The following CACNA1C variants were observed in gnomAD, a reference collection of about 807,000 sequenced individuals.
CACNA1C encodes the protein calcium voltage-gated channel subunit alpha1 C, also known as voltage-dependent L-type calcium channel subunit alpha-1C.
A neutral mutation model predicts 229.0 loss-of-function variants in CACNA1C; 30 were observed. That is an observed-to-expected ratio of 0.13 (90% CI 0.10 to 0.18). The LOEUF (loss-of-function observed/expected upper bound fraction) is 0.18, where lower values mean the gene tolerates loss of function less well. CACNA1C is among the 10% of genes least tolerant of loss of function. CACNA1C has a pLI of 1.00. For synonymous variants in CACNA1C, 1,114 were observed against 1,132.5 expected, an observed-to-expected ratio of 0.98 and a Z score of 0.33; for missense variants, 1,658 against 2,845.0, an observed-to-expected ratio of 0.58 and a Z score of 9.49.
At chr12:2,600,022 A>G (rs1481823750) in intron 21 of CACNA1C, among the ~76,000 whole-genome samples, 1 of 152,194 alleles carries the variant, frequency 6.6e-6, no homozygotes, top group Non-Finnish European at 1.5e-5. Context: ...CATCTGAGGA[A>G]TGCAGAGTGT....
chr12:2,150,362 T>C (rs2095127528), intron 3 of CACNA1C, among the ~76,000 whole-genome samples: 1 of 152,082 alleles, frequency 6.6e-6, no homozygotes, highest in African/African-American at 2.4e-5. Context: ...TCACCTCCAT[T>C]CCCCAGTCTC....
chr12:2,065,497 C>G (rs1321174771), intron 1 of CACNA1C, among the ~76,000 whole-genome samples: 2 of 137,738 alleles, frequency 1.5e-5, no homozygotes, highest in Non-Finnish European at 3.1e-5. Flanking sequence ...CTTATAGGAT[C>G]TCTGGATTCA....
intron 31 of CACNA1C, 51 bp downstream of exon 31, chr12:2,648,558 C>T: frequency 2.6e-6 from 4 of 1,547,108 alleles, no homozygotes; most frequent in East Asian, 2.2e-5. Context: ...CCCCCTCTAA[C>T]ACCCCCACTC....
Position 2,666,735 on chromosome 12 carries a change from C to T in CACNA1C, c.4576C>T (p.Pro1526Ser). ...GGTGACCCTCCTCCGGCGGATTCAG[C>T]CGCCACTAGGTTTTGGGAAGCTGTG... Reference protein sequence around the residue: ...DVVTLLRRIQPPLGFGKLCPH... With the variant: ...DVVTLLRRIQSPLGFGKLCPH... The change falls in exon 37 of 47, where the codon CCG becomes TCG. Residue 1526 changes from proline to serine, a missense_variant. Pro to Ser is a moderately conservative substitution (Grantham distance 74, BLOSUM62 -1). Transcript: ENST00000399655. The surrounding 1 kb of genome is among the most constrained non-coding windows in gnomAD (Gnocchi z 5.3). 6.2e-7 allele frequency: 1 copy of T among 1,605,594 alleles called. No homozygotes were observed. The highest frequency in any genetic ancestry group is 8.5e-7 in the Non-Finnish European group (1 of 1,175,908).
At chr12:2,584,736 A>G (rs1310655296) in intron 16 of CACNA1C, 119 bp downstream of exon 16, 2 of 678,762 alleles carry the variant, frequency 2.9e-6, no homozygotes, top group Non-Finnish European at 5.1e-6. Flanking sequence ...TCCTAGGAGG[A>G]CTCTGGGTTT....
intron 3 of CACNA1C, among the ~76,000 whole-genome samples, chr12:2,355,677 A>C (rs950850443): frequency 6.6e-6 from 1 of 152,136 alleles, no homozygotes; most frequent in Admixed American, 6.5e-5. Flanking sequence ...TTAACTTCCT[A>C]TTACAGCTAT....
chr12:2,435,678 C>T (rs375823382), intron 3 of CACNA1C, among the ~76,000 whole-genome samples: 43 of 152,254 alleles, frequency 2.8e-4, no homozygotes, highest in South Asian at 1.0e-3. Context: ...GGAGGGAGGC[C>T]GTGGCTGGGA....
intron 3 of CACNA1C, among the ~76,000 whole-genome samples, chr12:2,128,674 A>G (rs2091155308): frequency 6.6e-6 from 1 of 152,038 alleles, no homozygotes; most frequent in African/African-American, 2.4e-5. Flanking sequence ...GCCTCCCAAA[A>G]TGCTGGGATT....
intron 3 of CACNA1C, among the ~76,000 whole-genome samples, chr12:2,283,250 C>G (rs2091893373): frequency 1.3e-5 from 2 of 152,312 alleles, no homozygotes; most frequent in African/African-American, 4.8e-5. Flanking sequence ...CTTCTCCTTA[C>G]TCTTAGTGAC....
intron 1 of CACNA1C, among the ~76,000 whole-genome samples, chr12:2,111,847 C>T (rs941826406): frequency 1.1e-4 from 17 of 152,166 alleles, no homozygotes; most frequent in Non-Finnish European, 2.9e-5. Flanking sequence ...GGAAACAGGG[C>T]GCTTTCCACT....
At chr12:2,296,615 C>T (rs1438819282) in intron 3 of CACNA1C, among the ~76,000 whole-genome samples, 1 of 152,018 alleles carries the variant, frequency 6.6e-6, no homozygotes, top group Non-Finnish European at 1.5e-5. Flanking sequence ...TGTCCCCAGC[C>T]TTCTGCCTTA....
At chr12:2,460,473 G>A (rs2099492729) in intron 5 of CACNA1C, among the ~76,000 whole-genome samples, 1 of 152,200 alleles carries the variant, frequency 6.6e-6, no homozygotes, top group African/African-American at 2.4e-5. Flanking sequence ...GATGAATATG[G>A]TTGAGAGCCA....
intron 3 of CACNA1C, among the ~76,000 whole-genome samples, chr12:2,393,915 G>A (rs77351772): frequency 0.012 from 1,865 of 151,728 alleles, 20 homozygotes; most frequent in East Asian, 0.062. Flanking sequence ...AGACCAGCCC[G>A]GGCAACATAG....
Position 2,360,833 on chromosome 12 carries a change from A to G in CACNA1C, c.478-88143A>G, listed in dbSNP as rs910258198. ...TTCGTAGTGAAGTATTTTAAATTCA[A>G]TGTTTTTTTTTTCTTTGCATAACTT... On this transcript the variant is annotated intron_variant, in intron 3 of 46. Transcript: ENST00000399655. Among the ~76,000 whole-genome samples, 89 of 152,164 alleles carry G rather than the reference A, an allele frequency of 5.8e-4. 1 individual carries two copies. The highest frequency in any genetic ancestry group is 1.3e-4 in the Admixed American group (2 of 15,278).
At chr12:2,043,381 T>C (rs2050478522) in intron 1 of CACNA1C, among the ~76,000 whole-genome samples, 1 of 152,198 alleles carries the variant, frequency 6.6e-6, no homozygotes, top group Admixed American at 6.5e-5. Flanking sequence ...TAGTGAGAGG[T>C]TCTGGTTCAC....
chr12:2,372,224 G>C (rs947597422), intron 3 of CACNA1C, among the ~76,000 whole-genome samples: 2 of 152,130 alleles, frequency 1.3e-5, no homozygotes, highest in Non-Finnish European at 2.9e-5. Context: ...AATTCCCGTC[G>C]TCATCTCCAT....
chr12:2,608,765 G>C lies in CACNA1C; in HGVS notation c.3558+53G>C. 1.9e-6 allele frequency: 3 copies of C among 1,581,792 alleles called. No individual in the cohort carries two copies. The highest frequency in any genetic ancestry group is 2.6e-6 in the Non-Finnish European group (3 of 1,156,128). On this transcript the variant is annotated intron_variant, in intron 27 of 46. Coordinates refer to ENST00000399655, the MANE Select transcript of CACNA1C (RefSeq NM_000719.7). This position sits in a 1 kb window ranked among gnomAD's most constrained non-coding sequence, Gnocchi z 4.2. ...AGCGGGGCCCACGGAGGGAATGGCA[G>C]CCTGCGGCCCACCCCGCAGAGGGGC...
chr12:2,176,503 C>T (rs1255864938), intron 3 of CACNA1C, among the ~76,000 whole-genome samples: 1 of 151,792 alleles, frequency 6.6e-6, no homozygotes, highest in Admixed American at 6.6e-5. Flanking sequence ...TGAGTTTAGG[C>T]TTGAAAGCAG....
In CACNA1C at chr12:2,034,855, T is replaced by C. The variant is rs566145953; in HGVS notation, c.139+63654T>C. Among the ~76,000 whole-genome samples, 5 of 152,274 alleles carry C rather than the reference T, an allele frequency of 3.3e-5. No homozygotes were observed. The South Asian group carries it at 1.0e-3, about 32-fold the overall frequency. On this transcript the variant is annotated intron_variant, in intron 1 of 46. Transcript: ENST00000682462. The surrounding 1 kb of genome is among the most constrained non-coding windows in gnomAD (Gnocchi z 4.1). ...AGACAGGCAGACAGGTGATTTTCAT[T>C]CTGTGTGTAAATATAATTAGGAAAG...
Sources: gnomAD v4.1 joint callset for allele counts (sites outside exome capture counted in the v4.1 genomes callset) on GRCh38, gnomAD v4.1.1 for gene constraint, Gnocchi (gnomAD v3.1) non-coding constraint, MANE v1.5 for transcripts, NCBI Gene and HGNC (gene_info 2026-07-23, HGNC 2026-07-21) for gene names.